Variants in ARHGAP28 observed in about 807,000 individuals in gnomAD.
ARHGAP28 encodes rho GTPase-activating protein 28.
ARHGAP28 carries 56 observed loss-of-function variants against 90.7 expected under a neutral mutation model. The ratio of observed to expected loss-of-function variants is 0.62; its 90% CI spans 0.50 to 0.77. The LOEUF (loss-of-function observed/expected upper bound fraction) is 0.77, where lower values mean the gene tolerates loss of function less well. Among genes scored for constraint, ARHGAP28 ranks in the 30% least tolerant of loss-of-function variants. The probability of loss-of-function intolerance (pLI) is 0.00; values close to 1 mark genes in which losing one functional copy is unlikely to be tolerated. For synonymous variants in ARHGAP28, 308 were observed against 323.3 expected (o/e 0.95, Z 0.51); for missense variants, 869 against 900.9 (o/e 0.96, Z 0.45).
At chr18:6,736,229 ATTTTGTTT>A (rs971300614) in intron 1 of ARHGAP28, among the ~76,000 whole-genome samples, 4 of 151,392 alleles carry the variant, frequency 2.6e-5, no homozygotes, top group Admixed American at 2.0e-4. Flanking sequence ...AGTCTTGCTG[ATTTTGTTT>A]TTATCTCATT....
chr18:6,771,338 C>G (rs573590080), intron 1 of ARHGAP28, among the ~76,000 whole-genome samples: 1 of 152,204 alleles, frequency 6.6e-6, no homozygotes, highest in Middle Eastern at 3.4e-3. Flanking sequence ...AGCCACTGTG[C>G]CTGGCCTAAA....
intron 3 of ARHGAP28, 197 bp from the exon 4 acceptor site, chr18:6,850,837 C>T (rs1157909095): frequency 5.3e-6 from 8 of 1,523,190 alleles, no homozygotes; most frequent in Non-Finnish European, 7.0e-6. Context: ...TGTTACAGTA[C>T]ATGGCATTTA....
At chr18:6,806,062 T>A (rs1317839879) in intron 1 of ARHGAP28, among the ~76,000 whole-genome samples, 2 of 151,870 alleles carry the variant, frequency 1.3e-5, no homozygotes, top group Non-Finnish European at 2.9e-5. Context: ...TTGTTTTGTT[T>A]TTTTGTATTT....
chr18:6,889,009 T>C (rs1424505990), intron 12 of ARHGAP28, among the ~76,000 whole-genome samples: 2 of 152,168 alleles, frequency 1.3e-5, no homozygotes, highest in South Asian at 2.1e-4. Context: ...TAATAGTACC[T>C]ACCTCACAGG....
chr18:6,827,266 G>A (rs1355773620), intron 2 of ARHGAP28, among the ~76,000 whole-genome samples: 1 of 151,754 alleles, frequency 6.6e-6, no homozygotes, highest in East Asian at 2.0e-4. Flanking sequence ...AGGGGCGGCC[G>A]GGCTGAGGCG....
chr18:6,776,909 C>T (rs1007923689), intron 1 of ARHGAP28, among the ~76,000 whole-genome samples: 5 of 152,086 alleles, frequency 3.3e-5, no homozygotes, highest in Non-Finnish European at 7.3e-5. Context: ...TTAGCATATA[C>T]GATTGGAGGG....
chr18:6,802,127 G>A (rs1288625683), intron 1 of ARHGAP28, among the ~76,000 whole-genome samples: 1 of 151,938 alleles, frequency 6.6e-6, no homozygotes, highest in East Asian at 1.9e-4. Context: ...CCATTGTGTA[G>A]GTATACCACA....
chr18:6,869,883 C>T (rs1055807965), intron 6 of ARHGAP28, among the ~76,000 whole-genome samples: 13 of 152,260 alleles, frequency 8.5e-5, no homozygotes, highest in African/African-American at 1.4e-4. Flanking sequence ...AGGTTAGGAT[C>T]GCTCAAATGA....
At chr18:6,778,772 G>A (rs2143464012) in intron 1 of ARHGAP28, among the ~76,000 whole-genome samples, 1 of 152,264 alleles carries the variant, frequency 6.6e-6, no homozygotes, top group East Asian at 1.9e-4. Context: ...CTCTTTTAAA[G>A]ACCTTTTTGA....
intron 14 of ARHGAP28, among the ~76,000 whole-genome samples, chr18:6,893,865 T>C (rs915732121): frequency 8.7e-6 from 1 of 114,510 alleles, no homozygotes; most frequent in African/African-American, 3.4e-5. Flanking sequence ...TATTGCTTTT[T>C]GGTTTTTTTT....
In ARHGAP28 at chr18:6,824,757, C is replaced by A. The variant is rs1467843366; in HGVS notation, c.123-5C>A. 1 of 1,530,004 alleles carries A rather than the reference C, an allele frequency of 6.5e-7. No individual in the cohort carries two copies. The highest frequency in any genetic ancestry group is 8.7e-7 in the Non-Finnish European group (1 of 1,144,952). The allele number at this position is 1,530,004 out of a possible 1,614,324, so 94.8% of individuals were successfully genotyped here. On this transcript the variant is annotated splice_polypyrimidine_tract_variant and splice_region_variant and intron_variant, in intron 1 of 17. Transcript: ENST00000383472. Reference sequence around the variant, plus strand: ...TTTTATTCATAGATATTATTCTTTCCTCAGAAAATCCATTCCTCGCTGCCG... The same window carrying A: ...TTTTATTCATAGATATTATTCTTTCATCAGAAAATCCATTCCTCGCTGCCG...
At chr18:6,825,746 G>A (rs892326222) in intron 2 of ARHGAP28, among the ~76,000 whole-genome samples, 1 of 152,130 alleles carries the variant, frequency 6.6e-6, no homozygotes, top group African/African-American at 2.4e-5. Flanking sequence ...TTAGGATTAT[G>A]GCCACCAGCT....
At position 6,912,159 on chromosome 18, in the gene ARHGAP28, T is replaced by C. The variant is rs202176281; in HGVS notation, c.*5T>C. The C allele has an allele frequency of 1.6e-4, 242 of 1,537,534 alleles. No individual in the cohort carries two copies. Among genetic ancestry groups the C allele is most frequent in the Non-Finnish European group, 2.1e-4 (237 of 1,115,168 alleles). On this transcript the variant is annotated 3_prime_UTR_variant, in exon 18 of 18. Coordinates refer to ENST00000383472, the MANE Select transcript of ARHGAP28 (RefSeq NM_001366230.1). Reference sequence around the variant, plus strand: ...AAACCCCAACAAAGTTCTTAAAATATCCTCGAGAGAGCTGCTATCATGTAT... The same window carrying C: ...AAACCCCAACAAAGTTCTTAAAATACCCTCGAGAGAGCTGCTATCATGTAT...
At chr18:6,888,500 G>A (rs933756468) in intron 12 of ARHGAP28, among the ~76,000 whole-genome samples, 14 of 151,984 alleles carry the variant, frequency 9.2e-5, no homozygotes, top group Non-Finnish European at 2.9e-5. Context: ...ATATATGTCG[G>A]TCATATTAGA....
chr18:6,812,544 TAGAA>T (rs1171472598), intron 1 of ARHGAP28, among the ~76,000 whole-genome samples: 1 of 152,144 alleles, frequency 6.6e-6, no homozygotes. Context: ...TTATTCCTCT[TAGAA>T]AGAGCTTCAC....
At chr18:6,787,081 G>T (rs1394622326) in intron 1 of ARHGAP28, among the ~76,000 whole-genome samples, 1 of 151,904 alleles carries the variant, frequency 6.6e-6, no homozygotes, top group Non-Finnish European at 1.5e-5. Flanking sequence ...TTAGCCGGGC[G>T]TGGTGGTGGA....
chr18:6,757,588 G>A (rs748087521), intron 1 of ARHGAP28, among the ~76,000 whole-genome samples: 1 of 152,186 alleles, frequency 6.6e-6, no homozygotes, highest in Non-Finnish European at 1.5e-5. Flanking sequence ...CGTGGTCAAT[G>A]TTCTAGCTTA....
chr18:6,839,427 G>A (rs1217571200), intron 3 of ARHGAP28, among the ~76,000 whole-genome samples: 7 of 151,702 alleles, frequency 4.6e-5, no homozygotes, highest in Non-Finnish European at 7.4e-5. Flanking sequence ...CCGAGTAACT[G>A]GGACTATAGG....
intron 15 of ARHGAP28, among the ~76,000 whole-genome samples, chr18:6,895,161 C>A (rs113724325): frequency 6.6e-6 from 1 of 151,930 alleles, no homozygotes; most frequent in Non-Finnish European, 1.5e-5. Flanking sequence ...GAGTGTGCAA[C>A]GTATTGTATA....
Sources: allele counts gnomAD v4.1 joint callset (sites outside exome capture counted in the v4.1 genomes callset), GRCh38; gene constraint gnomAD v4.1.1; transcripts MANE v1.5; gene names NCBI Gene and HGNC (gene_info 2026-07-23, HGNC 2026-07-21).